PIGZ: variants seen among roughly 807,000 people sequenced by gnomAD.
PIGZ encodes the protein phosphatidylinositol glycan anchor biosynthesis class Z (Gwada blood group), also known as GPI alpha-1,2-mannosyltransferase 4.
In PIGZ, 16 loss-of-function variants were observed where a neutral mutation model predicts 16.4. That is an observed-to-expected ratio of 0.97 (90% confidence interval 0.66 to 1.48). PIGZ has a LOEUF of 1.48. Ranked by LOEUF, PIGZ falls within the 40% of genes most tolerant of loss-of-function variation. The pLI is 0.00. For missense variants in PIGZ, 770 were observed against 739.2 expected (o/e 1.04, Z -0.48); for synonymous variants, 409 against 338.4 (o/e 1.21, Z -2.29).
At position 196,947,345 on chromosome 3, in the gene PIGZ, G is replaced by T. The variant is rs182793699; in HGVS notation, c.1552C>A (p.Arg518Ser). ...CQVAGGPWLC[R>S]LFVVTPGTTR... ...GTGCCAGGGGTTACCACAAAGAGGC[G>T]GCAGAGCCATGGCCCACCAGCCACT... Residue 518 changes from arginine to serine, a missense_variant, in exon 3 of 3, where the codon CGC (arginine) becomes AGC (serine). Coordinates refer to ENST00000412723, the MANE Select transcript of PIGZ (RefSeq NM_025163.4). 19 of 1,614,214 alleles carry T rather than the reference G, an allele frequency of 1.2e-5. No homozygotes were observed. The East Asian group carries it at 3.1e-4, about 26-fold the overall frequency.
intron 1 of PIGZ, among the ~76,000 whole-genome samples, chr3:196,960,751 G>GAAAGAAAGAAAGAAAT (rs1435353979): frequency 6.6e-6 from 1 of 150,756 alleles, no homozygotes; most frequent in African/African-American, 2.4e-5. Flanking sequence ...AAGAAAGAAA[G>GAAAGAAAGAAAGAAAT]AAAGAAAGAA....
At chr3:196,956,699 T>C (rs1428425594) in intron 1 of PIGZ, among the ~76,000 whole-genome samples, 2 of 152,238 alleles carry the variant, frequency 1.3e-5, no homozygotes, top group Non-Finnish European at 2.9e-5. Flanking sequence ...CTGTTCTATC[T>C]TCCATGTCTC....
chr3:196,951,746 C>T, intron 2 of PIGZ, 75 bp downstream of exon 2: 1 of 1,420,344 alleles, frequency 7.0e-7, no homozygotes, highest in Non-Finnish European at 9.8e-7. Context: ...GCTACTCCCT[C>T]CCCACAAAGT....
chr3:196,955,628 G>GT (rs1470721074), intron 1 of PIGZ, among the ~76,000 whole-genome samples: 1 of 142,692 alleles, frequency 7.0e-6, no homozygotes, highest in Non-Finnish European at 1.5e-5. Flanking sequence ...CCAGGCTGGA[G>GT]TGCAGTGGCA....
intron 1 of PIGZ, among the ~76,000 whole-genome samples, chr3:196,960,764 A>AAAGAAAGAAAGAAAG (rs1553839867): frequency 6.8e-6 from 1 of 146,608 alleles, no homozygotes; most frequent in Non-Finnish European, 1.5e-5. Flanking sequence ...AGAAAGAAAG[A>AAAGAAAGAAAGAAAG]AAAGAAAACA....
intron 2 of PIGZ, among the ~76,000 whole-genome samples, chr3:196,950,389 A>C (rs1288484164): frequency 6.6e-6 from 1 of 152,190 alleles, no homozygotes; most frequent in Non-Finnish European, 1.5e-5. Flanking sequence ...AACGTCCCAG[A>C]GCTCTGAGGG....
At chr3:196,955,798 C>T (rs1396140692) in intron 1 of PIGZ, among the ~76,000 whole-genome samples, 1 of 151,756 alleles carries the variant, frequency 6.6e-6, no homozygotes, top group Non-Finnish European at 1.5e-5. Context: ...ATGCTGGTCT[C>T]GAACTCCTGA....
At chr3:196,962,612 G>A (rs1375461312) in intron 1 of PIGZ, among the ~76,000 whole-genome samples, 2 of 151,076 alleles carry the variant, frequency 1.3e-5, no homozygotes, top group Non-Finnish European at 3.0e-5. Context: ...GGAGAAAACC[G>A]CCCTATGGCT....
chr3:196,947,228 A>G lies in PIGZ; in HGVS notation c.1669T>C (p.Ser557Pro). 6.2e-7 allele frequency: 1 copy of G among 1,608,306 alleles called. No homozygotes were observed. Among genetic ancestry groups the G allele is most frequent in the Non-Finnish European group, 8.5e-7 (1 of 1,176,870 alleles). Residue 557 changes from serine (S) to proline (P), a missense_variant, in exon 3 of 3, where the codon TCC becomes CCC. Physicochemically the swap from Ser to Pro is moderately conservative, Grantham distance 74. Coordinates refer to ENST00000412723, the MANE Select transcript of PIGZ (RefSeq NM_025163.4). ...HLTLEDPPALSSLLSGAWRDH... is the reference protein window; with the variant it reads ...HLTLEDPPALPSLLSGAWRDH... ...CTCCAAGCCCCACTCAGCAAGGAGG[A>G]CAGGGCTGGTGGATCCTCCAGGGTC...
chr3:196,967,955 G>C (rs1000476997), intron 1 of PIGZ, among the ~76,000 whole-genome samples: 1 of 152,222 alleles, frequency 6.6e-6, no homozygotes, highest in Non-Finnish European at 1.5e-5. Flanking sequence ...GTAGTTCTCA[G>C]TTTTCCGAGG....
Position 196,948,969 on chromosome 3 carries a change from T to TTA in PIGZ, c.212-285_212-284insTA. On this transcript the variant is annotated intron_variant, in intron 2 of 2. Transcript: ENST00000412723. The stretch of plus-strand genomic sequence containing the variant: ...TTCCCCTCCCCTCCCTTCCTTCCCT[T>TTA]CCCCTCCCCTCCCTTCCCTTCCTTC... Among the ~76,000 whole-genome samples the TTA allele has an allele frequency of 1.0e-4, 2 of 19,948 alleles. 1 individual carries two copies. The highest frequency in any genetic ancestry group is 5.6e-4 in the African/African-American group (2 of 3,596). The allele number at this position is 19,948 out of a possible 152,430, so 13.1% of individuals were successfully genotyped here. A position where few individuals can be genotyped will look rare whatever the true frequency, so the allele number is the denominator to read the frequency against.
In PIGZ at chr3:196,951,824, C is replaced by A; in HGVS notation, c.208G>T (p.Ala70Ser). Residue 70 changes from alanine to serine, a missense_variant, in exon 2 of 3, where the codon GCA becomes TCA. By Grantham distance (99) the Ala-to-Ser change is moderately conservative. Coordinates refer to ENST00000412723, the MANE Select transcript of PIGZ (RefSeq NM_025163.4). ...DEFFQSPEVM[A>S]EDILGVQAAR... ...AGCCACACATGCGGAGTTTTACCTG[C>A]CATCACCTCAGGGGACTGGAAGAAC... 1 of 1,614,094 alleles carries A rather than the reference C, an allele frequency of 6.2e-7. No homozygotes were observed. Among genetic ancestry groups the A allele is most frequent in the African/African-American group, 1.3e-5 (1 of 75,032 alleles).
At chr3:196,966,552 G>A (rs1717933111) in intron 1 of PIGZ, among the ~76,000 whole-genome samples, 1 of 152,220 alleles carries the variant, frequency 6.6e-6, no homozygotes. Context: ...TCCAGCCTGG[G>A]TGGGCCCACT....
In PIGZ at chr3:196,952,022, A is replaced by T; in HGVS notation, c.10T>A (p.Cys4Ser). The T allele has an allele frequency of 6.2e-7, 1 of 1,613,920 alleles. No homozygotes were observed. Among genetic ancestry groups the T allele is most frequent in the Non-Finnish European group, 8.5e-7 (1 of 1,179,922 alleles). The change falls in exon 2 of 3, where the codon TGT (cysteine) becomes AGT (serine). Residue 4 changes from cysteine to serine, a missense_variant. Cys to Ser is a moderately radical substitution (Grantham distance 112). Transcript: ENST00000412723. The part of the protein sequence containing the change: MQI[C>S]GSSVASVAAG... ...GCTACAGATGCTACGCTGGATCCAC[A>T]GATCTGCATCTGTTGAGGATAACAG...
rs1348509748 is a variant in PIGZ at position 196,958,249 on chromosome 3, CATA to C, written c.1-6221_1-6219del. Reference sequence around the variant, plus strand: ...TTTATTTTTTTTTTCTATTCATAAACATAATACAAAATTGTTGTAGAAAAAGTA... The same window carrying C: ...TTTATTTTTTTTTTCTATTCATAAACATACAAAATTGTTGTAGAAAAAGTA... On this transcript the variant is annotated intron_variant, in intron 1 of 2. Transcript: ENST00000412723. Among the ~76,000 whole-genome samples the C allele has an allele frequency of 2.6e-5, 4 of 151,824 alleles. No individual in the cohort carries two copies. The East Asian group carries it at 5.8e-4, about 22-fold the overall frequency.
Position 196,947,373 on chromosome 3 carries a change from G to A in PIGZ, c.1524C>T (p.Cys508=), listed in dbSNP as rs1490185489. 5 of 1,614,050 alleles carry A rather than the reference G, an allele frequency of 3.1e-6. No individual in the cohort carries two copies. In the South Asian group the frequency reaches 4.4e-5, roughly 14 times the overall value. ...TLKSFTRQPA[C]QVAGGPWLCR... ...AGAGCCATGGCCCACCAGCCACTTG[G>A]CAGGCTGGTTGTCTGGTGAAGCTTT... Residue 508 remains cysteine, a synonymous_variant, in exon 3 of 3, where the codon TGC becomes TGT. Transcript: ENST00000412723.
rs143696517 is a variant in PIGZ at position 196,962,117 on chromosome 3, A to G, written c.-1+6570T>C. Among the ~76,000 whole-genome samples, 835 of 152,284 alleles carry G rather than the reference A, an allele frequency of 5.5e-3. 11 individuals are homozygous for G. Among genetic ancestry groups the G allele is most frequent in the South Asian group, 0.024 (118 of 4,822 alleles). On this transcript the variant is annotated intron_variant, in intron 1 of 2. Transcript: ENST00000412723. The stretch of plus-strand genomic sequence containing the variant: ...GGAAGACATAAGAAACTCCATTTTG[A>G]TCTGTACTAAGAAAAATTCTTCTGC...
chr3:196,967,134 C>T (rs1402758588), intron 1 of PIGZ, among the ~76,000 whole-genome samples: 1 of 151,724 alleles, frequency 6.6e-6, no homozygotes, highest in Non-Finnish European at 1.5e-5. Context: ...GGAAAGACAG[C>T]ACATCTGCGG....
At chr3:196,954,177 C>T (rs1375285288) in intron 1 of PIGZ, among the ~76,000 whole-genome samples, 16 of 152,040 alleles carry the variant, frequency 1.1e-4, no homozygotes, top group African/African-American at 7.2e-5. Flanking sequence ...CCCAGCTACT[C>T]GGGTGGCTAA....
Sources: gnomAD v4.1 joint callset for allele counts (sites outside exome capture counted in the v4.1 genomes callset) on GRCh38, gnomAD v4.1.1 for gene constraint, MANE v1.5 for transcripts, NCBI Gene and HGNC (gene_info 2026-07-23, HGNC 2026-07-21) for gene names.